The following CRPPA variants were observed in gnomAD, a reference collection of about 807,000 sequenced individuals.
CRPPA encodes D-ribitol-5-phosphate cytidylyltransferase.
A neutral mutation model predicts 52.0 loss-of-function variants in CRPPA; 43 were observed. The observed-to-expected ratio is 0.83, with a 90% CI of 0.65 to 1.07. The LOEUF is 1.07. Ranked by LOEUF, CRPPA falls within the 50% of genes least tolerant of loss-of-function variation. The pLI is 0.00. For synonymous variants in CRPPA, 250 were observed against 203.5 expected, an observed-to-expected ratio of 1.23 and a Z score of -1.94; for missense variants, 629 against 551.7, an observed-to-expected ratio of 1.14 and a Z score of -1.40.
intron 2 of CRPPA, among the ~76,000 whole-genome samples, chr7:16,405,718 C>G (rs1787936499): frequency 6.6e-6 from 1 of 152,036 alleles, no homozygotes. Context: ...GTACAATGGA[C>G]CATATTATAC....
At chr7:16,313,412 C>T (rs963151065) in intron 3 of CRPPA, among the ~76,000 whole-genome samples, 1 of 151,770 alleles carries the variant, frequency 6.6e-6, no homozygotes, top group African/African-American at 2.4e-5. Flanking sequence ...ATAATAATGT[C>T]CGTGCTTTCA....
At chr7:16,177,670 A>G (rs1461970024) in intron 9 of CRPPA, among the ~76,000 whole-genome samples, 2 of 152,198 alleles carry the variant, frequency 1.3e-5, no homozygotes, top group Non-Finnish European at 2.9e-5. Context: ...TTGTTATAGT[A>G]CTAAGAGCAA....
chr7:16,385,425 A>G (rs1342221474), intron 2 of CRPPA, among the ~76,000 whole-genome samples: 1 of 152,248 alleles, frequency 6.6e-6, no homozygotes, highest in East Asian at 1.9e-4. Flanking sequence ...ATGATTAGCA[A>G]GAGAACATCA....
Position 16,346,899 on chromosome 7 carries a change from C to T in CRPPA, c.684+29193G>A, listed in dbSNP as rs527317826. Reference sequence around the variant, plus strand: ...GAGAAACAGTCCTGTGTATAACCCTCAGTAAAGGGCCAAGCACAGCCAGAT... The same window carrying T: ...GAGAAACAGTCCTGTGTATAACCCTTAGTAAAGGGCCAAGCACAGCCAGAT... On this transcript the variant is annotated intron_variant, in intron 3 of 9. Coordinates refer to ENST00000407010, the MANE Select transcript of CRPPA (RefSeq NM_001101426.4). Among the ~76,000 whole-genome samples the T allele has an allele frequency of 5.3e-5, 8 of 152,118 alleles. No individual in the cohort carries two copies. In the East Asian group the frequency reaches 7.8e-4, roughly 15 times the overall value.
At chr7:16,146,217 A>C (rs912765315) in intron 9 of CRPPA, among the ~76,000 whole-genome samples, 2 of 151,990 alleles carry the variant, frequency 1.3e-5, no homozygotes, top group African/African-American at 4.8e-5. Context: ...CAAAAAAAAA[A>C]AACCTACCAA....
chr7:16,119,798 GA>G (rs1435152027), intron 9 of CRPPA, among the ~76,000 whole-genome samples: 1 of 152,196 alleles, frequency 6.6e-6, no homozygotes, highest in African/African-American at 2.4e-5. Flanking sequence ...TAGGAGCAAT[GA>G]AGTATGCTTT....
intron 9 of CRPPA, among the ~76,000 whole-genome samples, chr7:16,100,703 T>A (rs1011878716): frequency 5.3e-5 from 8 of 152,196 alleles, no homozygotes; most frequent in Non-Finnish European, 1.2e-4. Flanking sequence ...ATAGGAGTGG[T>A]GAGAGAGGGC....
chr7:16,091,725 A>C lies in CRPPA; in HGVS notation c.1326T>G (p.Ser442=). 1 of 1,561,398 alleles carries C rather than the reference A, an allele frequency of 6.4e-7. No individual in the cohort carries two copies. Among genetic ancestry groups the C allele is most frequent in the Non-Finnish European group, 8.7e-7 (1 of 1,151,144 alleles). The change falls in exon 10 of 10, where the codon TCT becomes TCG. Residue 442 remains serine (S), a synonymous_variant. Coordinates refer to ENST00000407010, the MANE Select transcript of CRPPA (RefSeq NM_001101426.4). ...CTATCAGAAGCTGACCAATGAGTCC[A>C]GAATTTCTTTCCTTGATTAATGAAG... The part of the protein sequence containing the change: ...IIASLIKERN[S]GLIGQLLIA
chr7:16,248,440 G>A (rs966667904), intron 8 of CRPPA, among the ~76,000 whole-genome samples: 1 of 152,140 alleles, frequency 6.6e-6, no homozygotes, highest in African/African-American at 2.4e-5. Context: ...GGCAGATTCC[G>A]ATTTGGGTGC....
rs1316511902 is a variant in CRPPA at position 16,258,812 on chromosome 7, GTA to G, written c.1026+106_1026+107del. The G allele has an allele frequency of 1.0e-4, 65 of 626,286 alleles. 1 individual carries two copies. Among genetic ancestry groups the G allele is most frequent in the African/African-American group, 7.4e-4 (39 of 52,450 alleles). The allele number at this position is 626,286 out of a possible 1,614,324, so 38.8% of individuals were successfully genotyped here. ...TCAAAGATAAAATCTCCAAAAATGT[GTA>G]GAAGAACTCATCATAATATCATATA... is the stretch of plus-strand genomic sequence containing the variant. On this transcript the variant is annotated intron_variant, in intron 7 of 9. Coordinates refer to ENST00000407010, the MANE Select transcript of CRPPA (RefSeq NM_001101426.4).
rs114570314 is a variant in CRPPA at position 16,109,819 on chromosome 7, C to T, written c.1252-18020G>A. 5.3e-3 allele frequency among the ~76,000 whole-genome samples: 808 copies of T among 151,978 alleles called. 13 individuals are homozygous for T. Among genetic ancestry groups the T allele is most frequent in the African/African-American group, 0.019 (784 of 41,506 alleles). On this transcript the variant is annotated intron_variant, in intron 9 of 9. Coordinates refer to ENST00000407010, the MANE Select transcript of CRPPA (RefSeq NM_001101426.4). The stretch of plus-strand genomic sequence containing the variant: ...AAACTTACTTCAACACAATAAAGGC[C>T]ATATATGGGAAACATTATGCCACAG...
At chr7:16,181,432 T>A (rs1155435) in intron 9 of CRPPA, among the ~76,000 whole-genome samples, 125,773 of 151,750 alleles carry the variant, frequency 0.83, 52,631 homozygotes, top group Admixed American at 0.89. Flanking sequence ...GAAAGAATAT[T>A]TTCATGATGT....
At chr7:16,184,067 G>C (rs1158967263) in intron 9 of CRPPA, among the ~76,000 whole-genome samples, 1 of 151,898 alleles carries the variant, frequency 6.6e-6, no homozygotes, top group Non-Finnish European at 1.5e-5. Context: ...TCAGCCTCCT[G>C]AGTAGCTGGG....
chr7:16,380,956 A>G (rs1258084035), intron 2 of CRPPA, among the ~76,000 whole-genome samples: 4 of 151,226 alleles, frequency 2.6e-5, no homozygotes, highest in South Asian at 2.1e-4. Context: ...TGGATTCATT[A>G]ATTTTTTGAA....
intron 9 of CRPPA, among the ~76,000 whole-genome samples, chr7:16,181,307 C>A (rs1781408268): frequency 6.6e-6 from 1 of 151,848 alleles, no homozygotes; most frequent in Admixed American, 6.6e-5. Context: ...TACTTCCTTT[C>A]CAAATGAATT....
intron 9 of CRPPA, among the ~76,000 whole-genome samples, chr7:16,171,094 C>T (rs138883451): frequency 1.3e-5 from 2 of 152,324 alleles, no homozygotes; most frequent in Non-Finnish European, 2.9e-5. Context: ...GCACTGAGAG[C>T]GAGTGAGGGC....
intron 9 of CRPPA, among the ~76,000 whole-genome samples, chr7:16,117,572 C>T (rs73071843): frequency 2.9e-4 from 44 of 151,886 alleles, no homozygotes; most frequent in African/African-American, 7.5e-4. Context: ...ACACACCTTG[C>T]GGGAGCTACG....
At chr7:16,331,100 CG>C (rs1785541416) in intron 3 of CRPPA, among the ~76,000 whole-genome samples, 1 of 152,116 alleles carries the variant, frequency 6.6e-6, no homozygotes, top group African/African-American at 2.4e-5. Flanking sequence ...CCCGAGTTCA[CG>C]CCATTCTCCT....
At chr7:16,208,887 G>A (rs1417752311) in intron 9 of CRPPA, 1 of 227,530 alleles carries the variant, frequency 4.4e-6, no homozygotes. Flanking sequence ...CTGGATGTTT[G>A]GACTTAGAAT....
Sources: allele counts gnomAD v4.1 joint callset (sites outside exome capture counted in the v4.1 genomes callset), GRCh38; gene constraint gnomAD v4.1.1; transcripts MANE v1.5; gene names NCBI Gene and HGNC (gene_info 2026-07-23, HGNC 2026-07-21).